The following SLC25A19 variants were observed in gnomAD, a reference collection of about 807,000 sequenced individuals.
The protein encoded by SLC25A19 is solute carrier family 25 member 19, also known as mitochondrial thiamine pyrophosphate carrier.
SLC25A19 carries 18 observed loss-of-function variants against 27.9 expected under a neutral mutation model. The observed-to-expected ratio is 0.64, with a 90% CI of 0.45 to 0.96. The LOEUF (loss-of-function observed/expected upper bound fraction) is 0.96. Among genes scored for constraint, SLC25A19 ranks in the 40% least tolerant of loss-of-function variants. The pLI is 0.00. For synonymous variants in SLC25A19, 169 were observed against 167.1 expected, an observed-to-expected ratio of 1.01 and a Z score of -0.09; for missense variants, 371 against 418.3, an observed-to-expected ratio of 0.89 and a Z score of 0.99.
At chr17:75,278,063 C>T in intron 6 of SLC25A19, 89 bp downstream of exon 6, 1 of 1,441,528 alleles carries the variant, frequency 6.9e-7, no homozygotes, top group Non-Finnish European at 9.7e-7. Context: ...TTGATTCGGA[C>T]AGGAGAACTT....
rs529549158 is a variant in SLC25A19 at position 75,274,429 on chromosome 17, T to A, written c.775-790A>T. 2.0e-5 allele frequency among the ~76,000 whole-genome samples: 3 copies of A among 152,268 alleles called. No individual in the cohort carries two copies. In the East Asian group the frequency reaches 5.8e-4, roughly 29 times the overall value. On this transcript the variant is annotated intron_variant, in intron 7 of 7. Transcript: ENST00000416858. ...TCCCTCCAAAAGCTGCAGTAACTCCTAGTGACGACATCATGAGAAATCAAG... is the reference window on the plus strand; with the variant it reads ...TCCCTCCAAAAGCTGCAGTAACTCCAAGTGACGACATCATGAGAAATCAAG...
chr17:75,286,540 C>A (rs2078186565), intron 3 of SLC25A19, 81 bp from the exon 4 acceptor site: 1 of 1,613,710 alleles, frequency 6.2e-7, no homozygotes, highest in East Asian at 2.2e-5. Flanking sequence ...GCAAGCCCTT[C>A]ATCTGGATAG....
At chr17:75,275,361 C>T (rs1020371104) in intron 7 of SLC25A19, among the ~76,000 whole-genome samples, 2 of 152,006 alleles carry the variant, frequency 1.3e-5, no homozygotes, top group Non-Finnish European at 2.9e-5. Context: ...TAACTATAAA[C>T]CCAGCTCTTT....
chr17:75,284,612 C>T (rs937856457), intron 4 of SLC25A19, among the ~76,000 whole-genome samples: 13 of 151,256 alleles, frequency 8.6e-5, no homozygotes, highest in Non-Finnish European at 1.5e-5. Flanking sequence ...CACAGGGTGA[C>T]CCCCTTACAT....
chr17:75,280,961 A>C (rs577702029), intron 5 of SLC25A19, among the ~76,000 whole-genome samples: 2 of 151,594 alleles, frequency 1.3e-5, no homozygotes, highest in East Asian at 3.9e-4. Flanking sequence ...AAAAAAAAAA[A>C]AAAAACCAGG....
At chr17:75,286,871 T>C (rs1362643314) in intron 2 of SLC25A19, 69 bp from the exon 3 acceptor site, 12 of 1,432,224 alleles carry the variant, frequency 8.4e-6, no homozygotes, top group African/African-American at 4.2e-5. Context: ...TATCACCTCC[T>C]CAGAGCAGCC....
rs2078192003 is a variant in SLC25A19 at position 75,286,706 on chromosome 17, A to G, written c.59T>C (p.Val20Ala). Reference sequence around the variant, plus strand: ...AACAAGTCCAGACACAGACCCAGCCACTGCCACCTGGAACTTGGTGTTATT... The same window carrying G: ...AACAAGTCCAGACACAGACCCAGCCGCTGCCACCTGGAACTTGGTGTTATT... ...GRNNTKFQVA[V>A]AGSVSGLVTR... The change falls in exon 3 of 8, where the codon GTG (valine) becomes GCG (alanine). Residue 20 changes from valine (V) to alanine (A), a missense_variant. Physicochemically the swap from Val to Ala is moderately conservative, Grantham distance 64. Coordinates refer to ENST00000416858, the MANE Select transcript of SLC25A19 (RefSeq NM_001126121.2). 10 of 1,614,194 alleles carry G rather than the reference A, an allele frequency of 6.2e-6. No homozygotes were observed. The highest frequency in any genetic ancestry group is 8.5e-6 in the Non-Finnish European group (10 of 1,180,046).
Position 75,273,231 on chromosome 17 carries a change from C to T in SLC25A19, c.*220G>A, listed in dbSNP as rs1020757872. 20 of 579,542 alleles carry T rather than the reference C, an allele frequency of 3.5e-5. No individual in the cohort carries two copies. Among genetic ancestry groups the T allele is most frequent in the Non-Finnish European group, 4.9e-5 (16 of 324,856 alleles). 35.9% of individuals were successfully genotyped at this position (579,542 alleles called of 1,614,324 possible). On this transcript the variant is annotated 3_prime_UTR_variant, in exon 8 of 8. Transcript: ENST00000416858. The stretch of plus-strand genomic sequence containing the variant: ...AACTTCCTGCTCCTTCTCACTGTGT[C>T]GTTGGCTCACCATAGACCACGTCCT...
intron 7 of SLC25A19, 93 bp from the exon 8 acceptor site, chr17:75,273,732 G>A (rs2077788290): frequency 8.0e-7 from 1 of 1,248,414 alleles, no homozygotes; most frequent in Non-Finnish European, 1.2e-6. Context: ...AGTACTTGCT[G>A]GACAAAGAAA....
rs779027014 is a variant in SLC25A19 at position 75,286,805 on chromosome 17, A to G, written c.-38-3T>C. 2.5e-6 allele frequency: 4 copies of G among 1,613,466 alleles called. No homozygotes were observed. The South Asian group carries it at 4.4e-5, about 18-fold the overall frequency. ...ACACAATGTCCATCAGTATCAAGCTAAATGCAAGAGATACGGAATAAACAC... is the reference window on the plus strand; with the variant it reads ...ACACAATGTCCATCAGTATCAAGCTGAATGCAAGAGATACGGAATAAACAC... On this transcript the variant is annotated splice_polypyrimidine_tract_variant and splice_region_variant and intron_variant, in intron 2 of 7. Transcript: ENST00000416858.
chr17:75,285,561 G>A (rs2078161780), intron 4 of SLC25A19, among the ~76,000 whole-genome samples: 2 of 152,244 alleles, frequency 1.3e-5, no homozygotes, highest in African/African-American at 4.8e-5. Flanking sequence ...CACAGGAAGA[G>A]TAGGAAGGGA....
intron 7 of SLC25A19, among the ~76,000 whole-genome samples, chr17:75,276,583 G>A (rs113551905): frequency 6.7e-6 from 1 of 148,924 alleles, no homozygotes; most frequent in African/African-American, 2.4e-5. Context: ...GATCAGGCTG[G>A]TCTAGAACTC....
rs184083166 is a variant in SLC25A19, at chr17:75,273,935, T to G, written c.775-296A>C. On this transcript the variant is annotated intron_variant, in intron 7 of 7. Transcript: ENST00000416858. ...AACACCACGCCTGGCTAATTTTTTGTATTTTTAGTAGAGATGCAGTTTCGC... is the reference window on the plus strand; with the variant it reads ...AACACCACGCCTGGCTAATTTTTTGGATTTTTAGTAGAGATGCAGTTTCGC... The G allele has an allele frequency of 1.7e-3, 641 of 366,764 alleles. 5 individuals carry two copies. The highest frequency in any genetic ancestry group is 0.012 in the African/African-American group (590 of 47,734). The allele number at this position is 366,764 out of a possible 1,614,324, so 22.7% of individuals were successfully genotyped here. A position where few individuals can be genotyped will look rare whatever the true frequency, so the allele number is the denominator to read the frequency against.
intron 4 of SLC25A19, among the ~76,000 whole-genome samples, chr17:75,285,547 A>G (rs920072081): frequency 1.3e-5 from 2 of 152,212 alleles, no homozygotes; most frequent in African/African-American, 4.8e-5. Context: ...GGTCACTGTG[A>G]TGTCACAGGA....
Position 75,274,627 on chromosome 17 carries a change from C to T in SLC25A19, c.775-988G>A, listed in dbSNP as rs565437013. Among the ~76,000 whole-genome samples the T allele has an allele frequency of 2.8e-4, 43 of 152,274 alleles. 1 individual carries two copies. Among genetic ancestry groups the T allele is most frequent in the African/African-American group, 9.9e-4 (41 of 41,564 alleles). ...CTCTGCCATCCTGGGCTCTCACCAT[C>T]GGCTCCCTGTCCAAATTCAAACTGT... On this transcript the variant is annotated intron_variant, in intron 7 of 7. Transcript: ENST00000416858.
chr17:75,283,306 AAACAAAACAG>A (rs915011620), intron 5 of SLC25A19, 107 bp downstream of exon 5: 1 of 1,209,104 alleles, frequency 8.3e-7, no homozygotes, highest in Non-Finnish European at 1.1e-6. Flanking sequence ...GTCTCAAACA[AAACAAAACAG>A]AACAAAACAA....
chr17:75,280,098 G>A (rs1342124992), intron 5 of SLC25A19, among the ~76,000 whole-genome samples: 1 of 152,194 alleles, frequency 6.6e-6, no homozygotes, highest in Non-Finnish European at 1.5e-5. Flanking sequence ...CAGGTCTGGT[G>A]GCTCAGCCTT....
chr17:75,285,109 T>C (rs541948284), intron 4 of SLC25A19, among the ~76,000 whole-genome samples: 1 of 151,496 alleles, frequency 6.6e-6, no homozygotes, highest in South Asian at 2.1e-4. Flanking sequence ...ATTTATTTTT[T>C]ATTTTTAGTA....
Position 75,273,114 on chromosome 17 carries a change from G to T in SLC25A19, c.*337C>A. On this transcript the variant is annotated 3_prime_UTR_variant, in exon 8 of 8. Transcript: ENST00000416858. ...CAAGCAGCAGCCCCATCCAGACCAGGAGTGTGTTCTGTTCTCCTGGCAGGC... is the reference window on the plus strand; with the variant it reads ...CAAGCAGCAGCCCCATCCAGACCAGTAGTGTGTTCTGTTCTCCTGGCAGGC... The T allele has an allele frequency of 2.6e-6, 1 of 385,038 alleles. No individual in the cohort carries two copies. Among genetic ancestry groups the T allele is most frequent in the Non-Finnish European group, 4.9e-6 (1 of 202,700 alleles). The allele number at this position is 385,038 out of a possible 1,614,324, so 23.9% of individuals were successfully genotyped here.
Sources: gnomAD v4.1 joint callset for allele counts (sites outside exome capture counted in the v4.1 genomes callset) on GRCh38, gnomAD v4.1.1 for gene constraint, MANE v1.5 for transcripts, NCBI Gene and HGNC (gene_info 2026-07-23, HGNC 2026-07-21) for gene names.